KIAA0825: variants seen among roughly 807,000 people sequenced by gnomAD.
KIAA0825 encodes KIAA0825.
In KIAA0825, 119 loss-of-function variants were observed where a neutral mutation model predicts 147.6. The observed-to-expected ratio is 0.81, with a 90% CI of 0.69 to 0.94. The LOEUF (loss-of-function observed/expected upper bound fraction) is 0.94. KIAA0825 is among the 40% of genes least tolerant of loss of function. The pLI is 0.00. For synonymous variants in KIAA0825, 470 were observed against 518.1 expected, an observed-to-expected ratio of 0.91 and a Z score of 1.26; for missense variants, 1,381 against 1,472.7, an observed-to-expected ratio of 0.94 and a Z score of 1.02.
intron 8 of KIAA0825, among the ~76,000 whole-genome samples, chr5:94,472,711 T>C (rs970666618): frequency 1.3e-5 from 2 of 151,970 alleles, no homozygotes; most frequent in African/African-American, 4.8e-5. Context: ...GCCCCTGCAC[T>C]CCAGCCTGGG....
intron 20 of KIAA0825, among the ~76,000 whole-genome samples, chr5:94,179,381 A>G (rs1769395643): frequency 6.6e-6 from 1 of 151,972 alleles, no homozygotes; most frequent in African/African-American, 2.4e-5. Flanking sequence ...ATTGAAGGGA[A>G]TGGGGGAAAA....
rs1775199446 is a variant in KIAA0825 at position 94,238,814 on chromosome 5, C to T, written c.3711-84690G>A. On this transcript the variant is annotated intron_variant, in intron 20 of 20. Transcript: ENST00000682413. ...TTCCTGAGGCAGAGAAATTACATAG[C>T]TTAGGTAAGCATGACATTTAAATGG... Among the ~76,000 whole-genome samples, 10 of 152,102 alleles carry T rather than the reference C, an allele frequency of 6.6e-5. No individual in the cohort carries two copies. The South Asian group carries it at 2.1e-3, about 32-fold the overall frequency.
chr5:94,253,625 T>C (rs1232108087), intron 20 of KIAA0825, among the ~76,000 whole-genome samples: 1 of 152,118 alleles, frequency 6.6e-6, no homozygotes, highest in Non-Finnish European at 1.5e-5. Context: ...ACATGCTACT[T>C]TGTTAGCACT....
intron 14 of KIAA0825, among the ~76,000 whole-genome samples, chr5:94,423,485 C>T (rs984359987): frequency 6.6e-6 from 1 of 152,162 alleles, no homozygotes; most frequent in Non-Finnish European, 1.5e-5. Flanking sequence ...ACCACCAACC[C>T]ACCAGGAGAC....
intron 20 of KIAA0825, among the ~76,000 whole-genome samples, chr5:94,259,148 TC>T (rs1478013497): frequency 1.3e-5 from 2 of 152,084 alleles, no homozygotes; most frequent in African/African-American, 4.8e-5. Context: ...TTAAGAGAAT[TC>T]CTGCAGTTAC....
chr5:94,310,649 A>G (rs1779079738), intron 20 of KIAA0825, among the ~76,000 whole-genome samples: 1 of 151,006 alleles, frequency 6.6e-6, no homozygotes, highest in Non-Finnish European at 1.5e-5. Flanking sequence ...TTTATCTACA[A>G]CAAGTCATAA....
intron 20 of KIAA0825, among the ~76,000 whole-genome samples, chr5:94,265,183 A>G (rs1776687371): frequency 1.3e-5 from 2 of 152,184 alleles, no homozygotes; most frequent in South Asian, 2.1e-4. Flanking sequence ...ACTTAATTAT[A>G]AATTTTTGAA....
chr5:94,473,669 T>C, intron 7 of KIAA0825, 150 bp from the exon 8 acceptor site: 1 of 608,812 alleles, frequency 1.6e-6, no homozygotes, highest in Admixed American at 3.0e-5. Context: ...CTAAAAAATA[T>C]TACCTAGTGA....
At chr5:94,453,165 AT>A in intron 12 of KIAA0825, 96 bp from the exon 13 acceptor site, 15 of 690,248 alleles carry the variant, frequency 2.2e-5, no homozygotes, top group East Asian at 6.6e-5. Flanking sequence ...TCAGTTAATG[AT>A]TTTTTTTGTT....
At position 94,562,983 on chromosome 5, in the gene KIAA0825, G is replaced by A. The variant is rs1345865456; in HGVS notation, c.-2+19450C>T. Among the ~76,000 whole-genome samples, 4 of 152,190 alleles carry A rather than the reference G, an allele frequency of 2.6e-5. No homozygotes were observed. In the South Asian group the frequency reaches 8.3e-4, roughly 32 times the overall value. On this transcript the variant is annotated intron_variant, in intron 2 of 20. Coordinates refer to ENST00000682413, the MANE Select transcript of KIAA0825 (RefSeq NM_001145678.3). ...AGCTAATAAGTCAAATCATAAAACA[G>A]TTAAAATTTTACCCGTAGACACTAT... is the stretch of plus-strand genomic sequence containing the variant.
chr5:94,306,777 G>A (rs1283788502), intron 20 of KIAA0825, among the ~76,000 whole-genome samples: 2 of 151,794 alleles, frequency 1.3e-5, no homozygotes, highest in African/African-American at 4.8e-5. Context: ...TGTGGATGTT[G>A]CAGCCCTCAT....
At chr5:94,583,767 C>T (rs972477512) in intron 1 of KIAA0825, among the ~76,000 whole-genome samples, 1 of 152,106 alleles carries the variant, frequency 6.6e-6, no homozygotes, top group Non-Finnish European at 1.5e-5. Flanking sequence ...GAAGACATCT[C>T]CCAGTCAGGG....
intron 15 of KIAA0825, chr5:94,416,916 T>C (rs1753542870): frequency 3.9e-6 from 1 of 257,534 alleles, no homozygotes; most frequent in African/African-American, 2.2e-5. Context: ...TAATCTGTGA[T>C]AAATATTAAA....
intron 20 of KIAA0825, among the ~76,000 whole-genome samples, chr5:94,342,809 T>C (rs1782562238): frequency 6.6e-6 from 1 of 152,072 alleles, no homozygotes; most frequent in Non-Finnish European, 1.5e-5. Context: ...ATTAAAAATG[T>C]GCTAATAATT....
chr5:94,358,634 T>C (rs1396829489), intron 20 of KIAA0825, among the ~76,000 whole-genome samples: 2 of 152,158 alleles, frequency 1.3e-5, no homozygotes, highest in Admixed American at 6.6e-5. Flanking sequence ...AAACTCTAAG[T>C]ACTATGAATA....
At chr5:94,321,004 T>A (rs1780131437) in intron 20 of KIAA0825, among the ~76,000 whole-genome samples, 1 of 152,082 alleles carries the variant, frequency 6.6e-6, no homozygotes, top group African/African-American at 2.4e-5. Flanking sequence ...CTTATATTTT[T>A]AAAATGTGTT....
intron 2 of KIAA0825, among the ~76,000 whole-genome samples, chr5:94,548,145 GT>G (rs1245603844): frequency 6.6e-6 from 1 of 152,160 alleles, no homozygotes; most frequent in African/African-American, 2.4e-5. Context: ...ATTGTGGTAT[GT>G]AAATTACTCA....
chr5:94,170,115 C>T (rs536969093), intron 20 of KIAA0825, among the ~76,000 whole-genome samples: 104 of 152,034 alleles, frequency 6.8e-4, no homozygotes, highest in Middle Eastern at 3.4e-3. Context: ...CTGGCTAACA[C>T]GGTGAAACCC....
At chr5:94,298,385 C>T (rs1428554586) in intron 20 of KIAA0825, among the ~76,000 whole-genome samples, 1 of 152,152 alleles carries the variant, frequency 6.6e-6, no homozygotes, top group South Asian at 2.1e-4. Flanking sequence ...CATAGTTTAG[C>T]TATGATAAAA....
Sources: gnomAD v4.1 joint callset for allele counts (sites outside exome capture counted in the v4.1 genomes callset) on GRCh38, gnomAD v4.1.1 for gene constraint, MANE v1.5 for transcripts, NCBI Gene and HGNC (gene_info 2026-07-23, HGNC 2026-07-21) for gene names.